The following MGMT variants were observed in gnomAD, a reference collection of about 807,000 sequenced individuals.
The protein encoded by MGMT is methylated-DNA--protein-cysteine methyltransferase.
MGMT carries 14 observed loss-of-function variants against 15.9 expected under a neutral mutation model. The observed-to-expected ratio is 0.88, with a 90% CI of 0.58 to 1.37. The LOEUF (loss-of-function observed/expected upper bound fraction) is 1.37. Ranked by LOEUF, MGMT falls within the 40% of genes most tolerant of loss-of-function variation. The pLI, the probability that MGMT is intolerant of heterozygous loss-of-function variation, is 0.00. For synonymous variants in MGMT, 130 were observed against 118.2 expected (o/e 1.10, Z -0.65); for missense variants, 282 against 268.1 (o/e 1.05, Z -0.36).
chr10:129,645,648 G>T (rs1396226620), intron 2 of MGMT, among the ~76,000 whole-genome samples: 1 of 152,218 alleles, frequency 6.6e-6, no homozygotes, highest in East Asian at 1.9e-4. Flanking sequence ...GTGCGTGTCG[G>T]TGGTTTTCCA....
intron 2 of MGMT, among the ~76,000 whole-genome samples, chr10:129,583,914 G>C (rs1255426382): frequency 6.6e-6 from 1 of 152,150 alleles, no homozygotes; most frequent in Non-Finnish European, 1.5e-5. Flanking sequence ...TGGGTGCCTT[G>C]GTGTGGGACA....
At chr10:129,516,622 C>T (rs940191329) in intron 1 of MGMT, among the ~76,000 whole-genome samples, 2 of 152,228 alleles carry the variant, frequency 1.3e-5, no homozygotes, top group African/African-American at 4.8e-5. Flanking sequence ...TGGAAATCTA[C>T]TTCAAACTTT....
intron 3 of MGMT, among the ~76,000 whole-genome samples, chr10:129,739,012 A>G (rs149974727): frequency 0.013 from 2,054 of 152,360 alleles, 20 homozygotes; most frequent in Middle Eastern, 0.027. Context: ...ACACAAATCA[A>G]TAAACATGTT....
chr10:129,650,526 C>T (rs1174693608), intron 2 of MGMT, among the ~76,000 whole-genome samples: 5 of 152,112 alleles, frequency 3.3e-5, no homozygotes, highest in Non-Finnish European at 5.9e-5. Flanking sequence ...TGCGCATGAA[C>T]GGAGAAAACC....
At chr10:129,667,529 T>C (rs888896552) in intron 2 of MGMT, among the ~76,000 whole-genome samples, 1 of 152,326 alleles carries the variant, frequency 6.6e-6, no homozygotes, top group Admixed American at 6.5e-5. Flanking sequence ...TCTTCCACTC[T>C]GATGGACATT....
intron 1 of MGMT, among the ~76,000 whole-genome samples, chr10:129,494,292 C>T (rs1163806838): frequency 2.0e-5 from 3 of 152,074 alleles, no homozygotes; most frequent in Admixed American, 6.6e-5. Flanking sequence ...ACCTCAGTCA[C>T]CTGGGGAGTG....
At chr10:129,691,603 CG>C (rs533978186) in intron 2 of MGMT, among the ~76,000 whole-genome samples, 2 of 152,078 alleles carry the variant, frequency 1.3e-5, no homozygotes, top group Admixed American at 1.3e-4. Flanking sequence ...CGGCGGTGGC[CG>C]GGGGGAGCAC....
At chr10:129,506,975 C>G (rs1405012657) in intron 1 of MGMT, among the ~76,000 whole-genome samples, 1 of 152,198 alleles carries the variant, frequency 6.6e-6, no homozygotes, top group African/African-American at 2.4e-5. Context: ...AGTCTTCACT[C>G]TGCCACTTAG....
intron 1 of MGMT, among the ~76,000 whole-genome samples, chr10:129,507,590 G>A (rs761968163): frequency 2.6e-5 from 4 of 152,172 alleles, no homozygotes; most frequent in East Asian, 1.9e-4. Flanking sequence ...TCCTAGTTCC[G>A]GTGCTGGGGG....
intron 3 of MGMT, among the ~76,000 whole-genome samples, chr10:129,743,789 A>G (rs1233096747): frequency 3.3e-5 from 5 of 152,244 alleles, no homozygotes; most frequent in African/African-American, 9.6e-5. Flanking sequence ...ATGCGTATAT[A>G]TAATAGTGTG....
At chr10:129,625,102 AG>A (rs1361456777) in intron 2 of MGMT, among the ~76,000 whole-genome samples, 1 of 152,268 alleles carries the variant, frequency 6.6e-6, no homozygotes, top group Non-Finnish European at 1.5e-5. Flanking sequence ...AAATATTCAA[AG>A]ATAATGAGGA....
At chr10:129,495,000 A>G (rs1221001494) in intron 1 of MGMT, among the ~76,000 whole-genome samples, 4 of 152,234 alleles carry the variant, frequency 2.6e-5, no homozygotes, top group Admixed American at 1.3e-4. Flanking sequence ...AGCGGAGAAG[A>G]ATAAAAGATT....
chr10:129,665,820 T>C (rs1435945228), intron 2 of MGMT, among the ~76,000 whole-genome samples: 1 of 152,186 alleles, frequency 6.6e-6, no homozygotes, highest in Non-Finnish European at 1.5e-5. Flanking sequence ...TGAGGGAGAC[T>C]GAAGAGACAT....
At chr10:129,707,078 G>A (rs967312254) in intron 2 of MGMT, among the ~76,000 whole-genome samples, 6 of 151,980 alleles carry the variant, frequency 3.9e-5, no homozygotes, top group East Asian at 1.9e-4. Context: ...CCTGGCCAAC[G>A]TGATGAAGCC....
intron 3 of MGMT, among the ~76,000 whole-genome samples, chr10:129,748,422 C>T (rs139324100): frequency 6.6e-6 from 1 of 152,258 alleles, no homozygotes; most frequent in East Asian, 1.9e-4. Context: ...TCTTTTGCTT[C>T]ATTTCATTTT....
At chr10:129,641,776 C>T (rs763105566) in intron 2 of MGMT, among the ~76,000 whole-genome samples, 3 of 152,180 alleles carry the variant, frequency 2.0e-5, no homozygotes, top group Admixed American at 6.5e-5. Context: ...AATTAACTAA[C>T]ATAGTCTTCC....
At chr10:129,704,905 C>T (rs1489701349) in intron 2 of MGMT, among the ~76,000 whole-genome samples, 1 of 152,194 alleles carries the variant, frequency 6.6e-6, no homozygotes, top group African/African-American at 2.4e-5. Context: ...CGTCGCCGCC[C>T]CTGCTGTCGG....
chr10:129,713,188 C>T (rs893717163), intron 3 of MGMT, among the ~76,000 whole-genome samples: 3 of 152,110 alleles, frequency 2.0e-5, no homozygotes, highest in African/African-American at 7.2e-5. Context: ...GGGTGGCCAC[C>T]GCTGTTCCCC....
At chr10:129,665,795 A>G (rs1847652348) in intron 2 of MGMT, among the ~76,000 whole-genome samples, 1 of 152,258 alleles carries the variant, frequency 6.6e-6, no homozygotes, top group South Asian at 2.1e-4. Flanking sequence ...CAAAGGCTGT[A>G]AAACTGTTCC....
Sources: gnomAD v4.1 joint callset for allele counts (sites outside exome capture counted in the v4.1 genomes callset) on GRCh38, gnomAD v4.1.1 for gene constraint, MANE v1.5 for transcripts, NCBI Gene and HGNC (gene_info 2026-07-23, HGNC 2026-07-21) for gene names.